ARHGAP26: variants seen among roughly 807,000 people sequenced by gnomAD.
The protein encoded by ARHGAP26 is rho GTPase-activating protein 26.
A neutral mutation model predicts 104.8 loss-of-function variants in ARHGAP26; 38 were observed. The ratio of observed to expected loss-of-function variants is 0.36; its 90% confidence interval spans 0.28 to 0.48. The LOEUF (loss-of-function observed/expected upper bound fraction) is 0.48, where lower values mean the gene tolerates loss of function less well. Ranked by LOEUF, ARHGAP26 falls within the 20% of genes least tolerant of loss-of-function variation. The pLI, the probability that ARHGAP26 is intolerant of heterozygous loss-of-function variation, is 0.99. For synonymous variants in ARHGAP26, 341 were observed against 340.0 expected (o/e 1.00, Z -0.03); for missense variants, 704 against 947.9 (o/e 0.74, Z 3.38).
chr5:143,129,728 A>T (rs1039631809), intron 18 of ARHGAP26, among the ~76,000 whole-genome samples: 3 of 152,236 alleles, frequency 2.0e-5, no homozygotes, highest in Admixed American at 1.3e-4. Flanking sequence ...CCATGTAAAT[A>T]ACTGAGCATG....
At chr5:142,956,161 T>C (rs1769201926) in intron 11 of ARHGAP26, among the ~76,000 whole-genome samples, 12 of 152,212 alleles carry the variant, frequency 7.9e-5, no homozygotes, top group Admixed American at 7.9e-4. Flanking sequence ...TCAAAAATAT[T>C]AACTGATGAC....
At chr5:143,140,674 T>G (rs1040293029) in intron 19 of ARHGAP26, among the ~76,000 whole-genome samples, 32 of 151,308 alleles carry the variant, frequency 2.1e-4, no homozygotes, top group African/African-American at 7.3e-4. Flanking sequence ...CCCCGGCCCC[T>G]GAGACAGCCT....
chr5:143,213,171 C>T (rs999551636), intron 21 of ARHGAP26, among the ~76,000 whole-genome samples: 2 of 152,122 alleles, frequency 1.3e-5, no homozygotes, highest in Non-Finnish European at 2.9e-5. Context: ...CTACTGATGC[C>T]TGTATAATAT....
chr5:143,213,972 TA>T, intron 21 of ARHGAP26, 24 bp from the exon 22 acceptor site: 1 of 1,489,812 alleles, frequency 6.7e-7, no homozygotes, highest in Non-Finnish European at 9.3e-7. Flanking sequence ...TCAAAAATGT[TA>T]AATAAACTCC....
chr5:143,036,372 T>C (rs1016150190), intron 12 of ARHGAP26, among the ~76,000 whole-genome samples: 2 of 152,174 alleles, frequency 1.3e-5, no homozygotes, highest in African/African-American at 2.4e-5. Flanking sequence ...TGTGTGGTTC[T>C]CTGCTGTGGA....
chr5:143,057,892 T>C (rs1239988927), intron 17 of ARHGAP26, 145 bp downstream of exon 17: 1 of 775,302 alleles, frequency 1.3e-6, no homozygotes, highest in Non-Finnish European at 2.3e-6. Flanking sequence ...ATGTGTGAAA[T>C]GTTCATTGCA....
intron 20 of ARHGAP26, among the ~76,000 whole-genome samples, chr5:143,205,330 A>G (rs1406675771): frequency 1.3e-5 from 2 of 152,194 alleles, no homozygotes; most frequent in African/African-American, 4.8e-5. Flanking sequence ...TTAAGAAAAA[A>G]AAGCTTTAAA....
chr5:143,210,261 A>G (rs1006708813), intron 21 of ARHGAP26, among the ~76,000 whole-genome samples: 3 of 152,156 alleles, frequency 2.0e-5, no homozygotes, highest in East Asian at 1.9e-4. Context: ...GGCAGGCAAA[A>G]AGAGAGTTTG....
intron 2 of ARHGAP26, 63 bp from the exon 3 acceptor site, chr5:142,875,047 C>A: frequency 1.4e-6 from 2 of 1,386,104 alleles, no homozygotes; most frequent in Non-Finnish European, 2.0e-6. Context: ...ATAGCCAGAG[C>A]TGGAAAGGCT....
At chr5:142,844,804 G>T (rs769576085) in intron 1 of ARHGAP26, among the ~76,000 whole-genome samples, 1 of 148,078 alleles carries the variant, frequency 6.8e-6, no homozygotes, top group Non-Finnish European at 1.5e-5. Flanking sequence ...GCAGTGAGCC[G>T]AGATCACACC....
chr5:142,832,056 C>G (rs373820406), intron 1 of ARHGAP26, among the ~76,000 whole-genome samples: 76 of 152,320 alleles, frequency 5.0e-4, no homozygotes, highest in Middle Eastern at 3.4e-3. Context: ...CATACCAAAA[C>G]TGTACACATG....
intron 20 of ARHGAP26, among the ~76,000 whole-genome samples, chr5:143,149,960 A>C (rs1323716990): frequency 6.6e-6 from 1 of 152,200 alleles, no homozygotes; most frequent in East Asian, 1.9e-4. Flanking sequence ...GTTACTCATA[A>C]TACAGTGGTA....
intron 17 of ARHGAP26, among the ~76,000 whole-genome samples, chr5:143,097,661 A>T (rs181255449): frequency 4.0e-4 from 61 of 152,180 alleles, no homozygotes; most frequent in Middle Eastern, 3.4e-3. Context: ...TCTACTAAAA[A>T]TACAAAAAAA....
chr5:142,962,011 A>T (rs1373142406), intron 11 of ARHGAP26, among the ~76,000 whole-genome samples: 1 of 152,214 alleles, frequency 6.6e-6, no homozygotes, highest in Non-Finnish European at 1.5e-5. Flanking sequence ...TGTTTAAAAT[A>T]TCACTGACCC....
chr5:143,199,755 C>T (rs111681821), intron 20 of ARHGAP26, among the ~76,000 whole-genome samples: 108 of 152,296 alleles, frequency 7.1e-4, no homozygotes, highest in African/African-American at 2.4e-3. Flanking sequence ...CTGGCAGAGA[C>T]GTGCAAATGC....
rs73288460 is a variant in ARHGAP26 at position 142,915,864 on chromosome 5, G to A, written c.1028+2571G>A. On this transcript the variant is annotated intron_variant, in intron 10 of 22. Transcript: ENST00000645722. ...AGAGAAGGAAAAGGCATTTTCATGC[G>A]CTGGGTAGCTGCATCCCTGGGAACT... 4.6e-3 allele frequency among the ~76,000 whole-genome samples: 693 copies of A among 152,150 alleles called. 2 individuals are homozygous for A. The highest frequency in any genetic ancestry group is 0.015 in the African/African-American group (641 of 41,500).
chr5:142,919,046 G>T (rs1762859823), intron 10 of ARHGAP26, among the ~76,000 whole-genome samples: 2 of 152,158 alleles, frequency 1.3e-5, no homozygotes, highest in Admixed American at 1.3e-4. Flanking sequence ...GCAGATACTA[G>T]TTATAGATTA....
intron 20 of ARHGAP26, among the ~76,000 whole-genome samples, chr5:143,194,616 A>G (rs1453534732): frequency 6.6e-6 from 1 of 152,064 alleles, no homozygotes; most frequent in Non-Finnish European, 1.5e-5. Context: ...GTGTTTTGCC[A>G]TGTCCATTTT....
At chr5:143,121,758 C>T (rs1167592783) in intron 18 of ARHGAP26, among the ~76,000 whole-genome samples, 2 of 152,114 alleles carry the variant, frequency 1.3e-5, no homozygotes, top group African/African-American at 2.4e-5. Context: ...AGAATATTAA[C>T]GCAGAGCTGC....
Sources: gnomAD v4.1 joint callset for allele counts (sites outside exome capture counted in the v4.1 genomes callset) on GRCh38, gnomAD v4.1.1 for gene constraint, MANE v1.5 for transcripts, NCBI Gene and HGNC (gene_info 2026-07-23, HGNC 2026-07-21) for gene names.